The following MIPOL1 variants were observed in gnomAD, a reference collection of about 807,000 sequenced individuals.
The protein encoded by MIPOL1 is mirror-image polydactyly 1.
A neutral mutation model predicts 60.9 loss-of-function variants in MIPOL1; 57 were observed. The observed-to-expected ratio is 0.94, with a 90% CI of 0.76 to 1.17. The LOEUF is 1.17. Ranked by LOEUF, MIPOL1 falls within the 50% of genes most tolerant of loss-of-function variation. The pLI is 0.00. For synonymous variants in MIPOL1, 179 were observed against 168.8 expected (o/e 1.06, Z -0.47); for missense variants, 551 against 511.6 (o/e 1.08, Z -0.74).
At chr14:37,458,849 AT>A (rs1275174676) in intron 11 of MIPOL1, among the ~76,000 whole-genome samples, 12 of 17,812 alleles carry the variant, frequency 6.7e-4, no homozygotes, top group Admixed American at 2.1e-3. Context: ...GAGACTGTCA[AT>A]AAATAAATAA....
chr14:37,413,523 A>G (rs1193024994), intron 10 of MIPOL1, among the ~76,000 whole-genome samples: 1 of 152,200 alleles, frequency 6.6e-6, no homozygotes, highest in Non-Finnish European at 1.5e-5. Context: ...CATTGGGTTT[A>G]CCCAGATAAT....
At chr14:37,345,896 T>C (rs1337815238) in intron 9 of MIPOL1, among the ~76,000 whole-genome samples, 1 of 152,234 alleles carries the variant, frequency 6.6e-6, no homozygotes, top group Non-Finnish European at 1.5e-5. Context: ...TCTCCTATGG[T>C]GAGAATCTTA....
intron 9 of MIPOL1, among the ~76,000 whole-genome samples, chr14:37,335,091 C>A (rs1465378362): frequency 6.6e-6 from 1 of 152,020 alleles, no homozygotes; most frequent in Non-Finnish European, 1.5e-5. Context: ...AAACTGTTTT[C>A]CAAAGTACCT....
intron 8 of MIPOL1, 89 bp from the exon 9 acceptor site, chr14:37,308,260 C>T (rs1459880705): frequency 6.5e-6 from 8 of 1,234,060 alleles, no homozygotes; most frequent in South Asian, 3.3e-5. Context: ...AGTCAATTTA[C>T]AATTCACATG....
chr14:37,260,257 A>G, intron 3 of MIPOL1, among the ~76,000 whole-genome samples: 1 of 151,878 alleles, frequency 6.6e-6, no homozygotes, highest in African/African-American at 2.4e-5. Context: ...AAAAAAAAAA[A>G]AGGAAACCTA....
At chr14:37,525,450 T>G (rs1295019123) in intron 12 of MIPOL1, among the ~76,000 whole-genome samples, 1 of 152,204 alleles carries the variant, frequency 6.6e-6, no homozygotes, top group Non-Finnish European at 1.5e-5. Context: ...CCATAGAATA[T>G]AATCAATTTT....
intron 12 of MIPOL1, among the ~76,000 whole-genome samples, chr14:37,514,268 T>C (rs2095351803): frequency 6.6e-6 from 1 of 152,158 alleles, no homozygotes. Context: ...CCTGGGTACT[T>C]CTGTGAAGTT....
At chr14:37,460,547 T>C (rs557006382) in intron 11 of MIPOL1, among the ~76,000 whole-genome samples, 1 of 152,248 alleles carries the variant, frequency 6.6e-6, no homozygotes, top group Non-Finnish European at 1.5e-5. Flanking sequence ...GGCATCCAAA[T>C]TGGAAAAGAG....
intron 6 of MIPOL1, among the ~76,000 whole-genome samples, chr14:37,284,296 A>G (rs1257034534): frequency 6.6e-6 from 1 of 151,298 alleles, no homozygotes; most frequent in Non-Finnish European, 1.5e-5. Flanking sequence ...ACTATTTTGA[A>G]TTTTGTGTTT....
chr14:37,448,785 TA>T (rs1304769902), intron 11 of MIPOL1, among the ~76,000 whole-genome samples: 2 of 152,194 alleles, frequency 1.3e-5, no homozygotes, highest in Non-Finnish European at 2.9e-5. Flanking sequence ...TTAATTATAC[TA>T]AAAAACAAAA....
At chr14:37,468,766 G>T (rs890371889) in intron 11 of MIPOL1, among the ~76,000 whole-genome samples, 1 of 152,122 alleles carries the variant, frequency 6.6e-6, no homozygotes, top group African/African-American at 2.4e-5. Context: ...AACATGAGGG[G>T]ATGACCTAAG....
chr14:37,494,181 T>A (rs2095084765), intron 11 of MIPOL1, among the ~76,000 whole-genome samples: 1 of 152,192 alleles, frequency 6.6e-6, no homozygotes, highest in Non-Finnish European at 1.5e-5. Flanking sequence ...TGTTTTGATT[T>A]ACTGAAGTTC....
intron 3 of MIPOL1, among the ~76,000 whole-genome samples, chr14:37,259,817 T>C (rs753235525): frequency 1.6e-4 from 25 of 152,144 alleles, no homozygotes; most frequent in Non-Finnish European, 3.2e-4. Context: ...AATTAAAAAT[T>C]GTATAAGCAA....
At chr14:37,286,434 G>C (rs2084571471) in intron 7 of MIPOL1, among the ~76,000 whole-genome samples, 1 of 152,188 alleles carries the variant, frequency 6.6e-6, no homozygotes, top group African/African-American at 2.4e-5. Context: ...TGTTACACAT[G>C]ATGCTAGTCT....
rs1391482311 is a variant in MIPOL1, at chr14:37,547,079, G to A, written c.*108G>A. ...TTAACTTAGCAAACAGTTGTTAGAA[G>A]TGGGACACTCCAACCACATTCCAAG... On this transcript the variant is annotated 3_prime_UTR_variant, in exon 13 of 13. Coordinates refer to ENST00000684589, the MANE Select transcript of MIPOL1 (RefSeq NM_001388067.1). The A allele has an allele frequency of 1.5e-5, 13 of 879,978 alleles. No homozygotes were observed. The highest frequency in any genetic ancestry group is 5.0e-5 in the African/African-American group (3 of 60,394). 54.5% of individuals were successfully genotyped at this position (879,978 alleles called of 1,614,324 possible).
At chr14:37,307,967 C>T in intron 7 of MIPOL1, 89 bp from the exon 8 acceptor site, 1 of 1,045,302 alleles carries the variant, frequency 9.6e-7, no homozygotes, top group Non-Finnish European at 1.4e-6. Context: ...AATGAAATTA[C>T]TTGAGGTTCT....
chr14:37,262,322 T>A (rs573455763), intron 3 of MIPOL1, among the ~76,000 whole-genome samples: 4 of 151,958 alleles, frequency 2.6e-5, no homozygotes, highest in Admixed American at 6.6e-5. Context: ...AAAAAAAAAG[T>A]TTTTGCCCAT....
intron 10 of MIPOL1, among the ~76,000 whole-genome samples, chr14:37,421,304 T>A (rs1318141816): frequency 6.6e-6 from 1 of 152,148 alleles, no homozygotes; most frequent in African/African-American, 2.4e-5. Context: ...TACGTAGCAC[T>A]GGCACATATT....
At chr14:37,343,674 G>A (rs893764716) in intron 9 of MIPOL1, among the ~76,000 whole-genome samples, 9 of 152,050 alleles carry the variant, frequency 5.9e-5, no homozygotes, top group African/African-American at 1.4e-4. Flanking sequence ...GGAACTTAAG[G>A]CATGTTTATC....
Sources: allele counts gnomAD v4.1 joint callset (sites outside exome capture counted in the v4.1 genomes callset), GRCh38; gene constraint gnomAD v4.1.1; transcripts MANE v1.5; gene names NCBI Gene and HGNC (gene_info 2026-07-23, HGNC 2026-07-21).